SUMF1: variants seen among roughly 807,000 people sequenced by gnomAD.
SUMF1 encodes the protein formylglycine-generating enzyme.
A neutral mutation model predicts 47.6 loss-of-function variants in SUMF1; 48 were observed. The observed-to-expected ratio is 1.01, with a 90% CI of 0.80 to 1.28. The LOEUF is 1.28. Ranked by LOEUF, SUMF1 falls within the 50% of genes most tolerant of loss-of-function variation. The pLI is 0.00. For synonymous variants in SUMF1, 230 were observed against 192.1 expected (o/e 1.20, Z -1.63); for missense variants, 571 against 485.4 (o/e 1.18, Z -1.66).
In SUMF1 at chr3:4,249,349, G is replaced by C. The variant is rs1026731143; in HGVS notation, c.1014+126981C>G. 2.6e-5 allele frequency among the ~76,000 whole-genome samples: 4 copies of C among 152,060 alleles called. No homozygotes were observed. In the East Asian group the frequency reaches 7.7e-4, roughly 29 times the overall value. ...CAAATTGAAAGTTTATAGCAACTCT[G>C]AGTCTAAGTCTATTGGCCTCATTTT... On this transcript the variant is annotated intron_variant and NMD_transcript_variant, in intron 8 of 12. Transcript: ENST00000448413.
chr3:4,270,222 G>C (rs991266483), intron 8 of SUMF1, among the ~76,000 whole-genome samples: 1 of 152,026 alleles, frequency 6.6e-6, no homozygotes. Context: ...AGGAGCCTCA[G>C]TATTGAAATA....
At chr3:4,287,451 G>A (rs1181039355) in intron 8 of SUMF1, among the ~76,000 whole-genome samples, 1 of 151,798 alleles carries the variant, frequency 6.6e-6, no homozygotes. Flanking sequence ...AATGGGATGT[G>A]TGTGCTTGTT....
chr3:4,082,135 G>C (rs551137861), intron 8 of SUMF1, among the ~76,000 whole-genome samples: 2 of 152,052 alleles, frequency 1.3e-5, no homozygotes, highest in Non-Finnish European at 2.9e-5. Flanking sequence ...GGAATTCTTT[G>C]AACTACTTTT....
intron 8 of SUMF1, among the ~76,000 whole-genome samples, chr3:4,177,014 T>A (rs983042181): frequency 1.3e-5 from 2 of 152,120 alleles, no homozygotes; most frequent in African/African-American, 4.8e-5. Context: ...ATGCACCCAA[T>A]ACAGGAGCAT....
chr3:4,116,612 C>A (rs1478122524), intron 8 of SUMF1, among the ~76,000 whole-genome samples: 1 of 152,048 alleles, frequency 6.6e-6, no homozygotes, highest in African/African-American at 2.4e-5. Flanking sequence ...ACACTTTATC[C>A]CTGAGTTTCT....
intron 8 of SUMF1, among the ~76,000 whole-genome samples, chr3:4,167,196 A>G (rs1043917672): frequency 2.6e-5 from 4 of 152,072 alleles, no homozygotes; most frequent in Non-Finnish European, 5.9e-5. Context: ...CCAAAGAGTG[A>G]GCAGCCGCAA....
chr3:4,321,037 T>C (rs1366329117), intron 8 of SUMF1, among the ~76,000 whole-genome samples: 5 of 152,152 alleles, frequency 3.3e-5, no homozygotes, highest in Non-Finnish European at 5.9e-5. Context: ...TTGCCTTACA[T>C]GTATACTGGA....
chr3:4,293,992 A>T (rs1364364035), intron 8 of SUMF1, among the ~76,000 whole-genome samples: 2 of 152,228 alleles, frequency 1.3e-5, no homozygotes, highest in East Asian at 3.8e-4. Flanking sequence ...GCAGAGTTTC[A>T]GACCTAGGCC....
intron 8 of SUMF1, among the ~76,000 whole-genome samples, chr3:4,217,523 T>C (rs1574988668): frequency 2.1e-5 from 1 of 48,594 alleles, no homozygotes; most frequent in East Asian, 7.0e-4. Flanking sequence ...TTTATATATA[T>C]ATATATATAT....
At chr3:4,249,074 A>G (rs530109409) in intron 8 of SUMF1, among the ~76,000 whole-genome samples, 1 of 152,310 alleles carries the variant, frequency 6.6e-6, no homozygotes, top group Non-Finnish European at 1.5e-5. Context: ...CATGAGGCAC[A>G]TGGGGTCACC....
At chr3:4,314,223 A>G (rs189095812) in intron 8 of SUMF1, 192 of 164,710 alleles carry the variant, frequency 1.2e-3, no homozygotes, top group South Asian at 2.3e-3. Context: ...GTGATCTGAC[A>G]CCTTTGTACT....
chr3:4,278,411 T>C (rs570202674), intron 8 of SUMF1, among the ~76,000 whole-genome samples: 1 of 152,118 alleles, frequency 6.6e-6, no homozygotes, highest in Non-Finnish European at 1.5e-5. Context: ...TTGGCTATAA[T>C]TTTAAAGGAG....
intron 8 of SUMF1, among the ~76,000 whole-genome samples, chr3:4,199,586 A>G (rs1377543514): frequency 6.6e-6 from 1 of 152,124 alleles, no homozygotes; most frequent in Non-Finnish European, 1.5e-5. Flanking sequence ...TTCCATTTCC[A>G]TCAGCAATGT....
intron 3 of SUMF1, among the ~76,000 whole-genome samples, chr3:4,424,262 C>G (rs1314102215): frequency 6.6e-6 from 1 of 152,164 alleles, no homozygotes; most frequent in Non-Finnish European, 1.5e-5. Context: ...CACACCTACT[C>G]ACTCACACTT....
At chr3:4,391,866 C>T (rs1700877582) in intron 7 of SUMF1, among the ~76,000 whole-genome samples, 1 of 149,730 alleles carries the variant, frequency 6.7e-6, no homozygotes, top group Non-Finnish European at 1.5e-5. Flanking sequence ...CTTGCTCTGT[C>T]ACACAGGCTG....
intron 8 of SUMF1, among the ~76,000 whole-genome samples, chr3:4,084,237 G>GA (rs1233168215): frequency 6.6e-6 from 1 of 152,062 alleles, no homozygotes; most frequent in Non-Finnish European, 1.5e-5. Flanking sequence ...TCAAGTCCAG[G>GA]AAAAATGCAA....
At chr3:4,059,672 C>T (rs317531) in intron 9 of SUMF1, among the ~76,000 whole-genome samples, 97,788 of 151,656 alleles carry the variant, frequency 0.64, 33,186 homozygotes, top group East Asian at 0.99. Flanking sequence ...AAAACGAAAA[C>T]AATTTCTGCC....
At chr3:4,459,911 A>G (rs560766161) in intron 1 of SUMF1, among the ~76,000 whole-genome samples, 4 of 152,308 alleles carry the variant, frequency 2.6e-5, no homozygotes, top group African/African-American at 7.2e-5. Flanking sequence ...ACTGTACCCA[A>G]TGCAATTTTC....
intron 8 of SUMF1, among the ~76,000 whole-genome samples, chr3:4,161,971 G>T (rs964829308): frequency 6.6e-6 from 1 of 152,016 alleles, no homozygotes. Context: ...ATGTATTACC[G>T]GGCTACCACT....
Sources: allele counts gnomAD v4.1 joint callset (sites outside exome capture counted in the v4.1 genomes callset), GRCh38; gene constraint gnomAD v4.1.1; transcripts MANE v1.5; gene names NCBI Gene and HGNC (gene_info 2026-07-23, HGNC 2026-07-21).